ROCK2: variants seen among roughly 807,000 people sequenced by gnomAD.
ROCK2 encodes the protein Rho associated coiled-coil containing protein kinase 2.
A neutral mutation model predicts 195.1 loss-of-function variants in ROCK2; 61 were observed. The observed-to-expected ratio is 0.31, with a 90% confidence interval of 0.25 to 0.39. The LOEUF (loss-of-function observed/expected upper bound fraction) is 0.39. ROCK2 is among the 10% of genes least tolerant of loss of function. The pLI is 1.00. For synonymous variants in ROCK2, 504 were observed against 545.5 expected, an observed-to-expected ratio of 0.92 and a Z score of 1.06; for missense variants, 1,109 against 1,637.4, an observed-to-expected ratio of 0.68 and a Z score of 5.57.
At chr2:11,290,635 C>A (rs527632314) in intron 1 of ROCK2, among the ~76,000 whole-genome samples, 1 of 151,740 alleles carries the variant, frequency 6.6e-6, no homozygotes, top group Admixed American at 6.6e-5. Context: ...CAATAACTGA[C>A]CAGAAAGAAA....
intron 4 of ROCK2, among the ~76,000 whole-genome samples, chr2:11,237,589 A>T (rs1247781054): frequency 6.6e-6 from 1 of 152,198 alleles, no homozygotes; most frequent in African/African-American, 2.4e-5. Flanking sequence ...AAAAACATAA[A>T]ATCATATTGG....
chr2:11,270,316 G>C (rs1666582125), intron 3 of ROCK2, among the ~76,000 whole-genome samples: 1 of 152,100 alleles, frequency 6.6e-6, no homozygotes, highest in South Asian at 2.1e-4. Context: ...TCTATAGTTT[G>C]AAAATGATAT....
chr2:11,317,565 G>C (rs1251627287), intron 1 of ROCK2, among the ~76,000 whole-genome samples: 6 of 80,978 alleles, frequency 7.4e-5, no homozygotes, highest in Non-Finnish European at 1.1e-4. Context: ...AAGCCGCCCT[G>C]ATCTACACAT....
At position 11,201,297 on chromosome 2, in the gene ROCK2, G is replaced by T; in HGVS notation, c.2723+13C>A. 6.3e-7 allele frequency: 1 copy of T among 1,575,490 alleles called. No individual in the cohort carries two copies. The highest frequency in any genetic ancestry group is 1.3e-5 in the African/African-American group (1 of 74,298). On this transcript the variant is annotated intron_variant, in intron 22 of 32. Coordinates refer to ENST00000315872, the MANE Select transcript of ROCK2 (RefSeq NM_004850.5). This position sits in a 1 kb window ranked among gnomAD's most constrained non-coding sequence, Gnocchi z 4.6. ...CAGCTATGAACAAAAAGAGACAAGG[G>T]TCTCATACTTACCGTTCATCCTGTA...
chr2:11,274,688 C>CA (rs1558349574), intron 3 of ROCK2, among the ~76,000 whole-genome samples: 1 of 152,126 alleles, frequency 6.6e-6, no homozygotes, highest in Non-Finnish European at 1.5e-5. Flanking sequence ...CCAAATATTT[C>CA]AATAACATCA....
At position 11,236,465 on chromosome 2, in the gene ROCK2, C is replaced by G. The variant is rs563692390; in HGVS notation, c.463-503G>C. On this transcript the variant is annotated intron_variant, in intron 4 of 32. Coordinates refer to ENST00000315872, the MANE Select transcript of ROCK2 (RefSeq NM_004850.5). ...AATGGAAAGAATGAGTCACTGGTAG[C>G]CATATTTGGAAGACGCGTAACTCTT... Among the ~76,000 whole-genome samples, 4 of 152,108 alleles carry G rather than the reference C, an allele frequency of 2.6e-5. No homozygotes were observed. The East Asian group carries it at 5.8e-4, about 22-fold the overall frequency.
intron 11 of ROCK2, chr2:11,217,394 T>C (rs781359523): frequency 1.3e-5 from 8 of 607,104 alleles, no homozygotes; most frequent in South Asian, 4.6e-5. Context: ...AACATACTTA[T>C]GTAACCATGC....
intron 1 of ROCK2, among the ~76,000 whole-genome samples, chr2:11,303,627 T>C (rs2148219966): frequency 6.6e-6 from 1 of 152,292 alleles, no homozygotes; most frequent in South Asian, 2.1e-4. Context: ...AAAAAATCCC[T>C]TGACCCTACC....
rs72785469 is a variant in ROCK2, at chr2:11,183,415, T to C, written c.*22A>G. 71,897 of 1,589,324 alleles carry C rather than the reference T, an allele frequency of 0.045. 2,401 individuals carry two copies. The highest frequency in any genetic ancestry group is 0.049 in the Non-Finnish European group (57,608 of 1,164,212). On this transcript the variant is annotated 3_prime_UTR_variant, in exon 33 of 33. Transcript: ENST00000315872. ...GGAAGAATACGATCACCTTGAATAATGACTGCTTTCATAGAAGGCAGTTAG... is the reference window on the plus strand; with the variant it reads ...GGAAGAATACGATCACCTTGAATAACGACTGCTTTCATAGAAGGCAGTTAG...
At chr2:11,275,211 C>A (rs114650983) in intron 3 of ROCK2, among the ~76,000 whole-genome samples, 6,370 of 150,830 alleles carry the variant, frequency 0.042, 276 homozygotes, top group Non-Finnish European at 0.06. Flanking sequence ...GAGCCGTAAT[C>A]GTGCCATTGC....
intron 32 of ROCK2, chr2:11,184,664 A>G (rs1663125062): frequency 1.0e-6 from 1 of 984,876 alleles, no homozygotes. Flanking sequence ...TTTTTGATTT[A>G]CCCCATTTAT....
At chr2:11,262,634 ATG>A (rs1666271169) in intron 3 of ROCK2, among the ~76,000 whole-genome samples, 1 of 152,160 alleles carries the variant, frequency 6.6e-6, no homozygotes, top group Admixed American at 6.5e-5. Context: ...GCTGCCATCC[ATG>A]TAAGATGTGA....
intron 9 of ROCK2, among the ~76,000 whole-genome samples, chr2:11,219,928 C>A (rs1024322047): frequency 6.6e-6 from 1 of 150,902 alleles, no homozygotes; most frequent in Non-Finnish European, 1.5e-5. Flanking sequence ...CTCATTCCAA[C>A]CTTGAACTCC....
chr2:11,302,137 T>G lies in ROCK2; in HGVS notation c.142-14401A>C, dbSNP rs1667726414. ...TATGGTTTAAAAGAAATAACAAAAT[T>G]TCTCCATTATGGTTTCAGATTCACA... On this transcript the variant is annotated intron_variant, in intron 1 of 32. Transcript: ENST00000315872. Among the ~76,000 whole-genome samples the G allele has an allele frequency of 2.0e-5, 3 of 152,058 alleles. No individual in the cohort carries two copies. The South Asian group carries it at 6.2e-4, about 32-fold the overall frequency.
At chr2:11,214,279 CCCTTAGTTTAG>C in intron 17 of ROCK2, 67 bp downstream of exon 17, 1 of 757,336 alleles carries the variant, frequency 1.3e-6, no homozygotes, top group Non-Finnish European at 2.2e-6. Flanking sequence ...TTAGTGACTT[CCCTTAGTTTAG>C]AATAACTTTT....
chr2:11,331,804 T>TA (rs1266750695), intron 1 of ROCK2, among the ~76,000 whole-genome samples: 1 of 152,124 alleles, frequency 6.6e-6, no homozygotes, highest in Non-Finnish European at 1.5e-5. Flanking sequence ...CAGGCGCCTG[T>TA]AATTCCAGCT....
At chr2:11,203,597 A>G (rs998659292) in intron 20 of ROCK2, among the ~76,000 whole-genome samples, 1 of 152,208 alleles carries the variant, frequency 6.6e-6, no homozygotes, top group Non-Finnish European at 1.5e-5. Flanking sequence ...TAGTCTCTTC[A>G]GTTCGTATAC....
chr2:11,201,943 C>T lies in ROCK2; in HGVS notation c.2619+109G>A. ...TGATAATAAATTTCTCTTAAACTAT[C>T]TACATTCTTTTGCCCAGCTGCTCTT... is the stretch of plus-strand genomic sequence containing the variant. On this transcript the variant is annotated intron_variant, in intron 21 of 32. Transcript: ENST00000315872. This position sits in a 1 kb window ranked among gnomAD's most constrained non-coding sequence, Gnocchi z 4.6. 1 of 794,942 alleles carries T rather than the reference C, an allele frequency of 1.3e-6. No individual in the cohort carries two copies. Among genetic ancestry groups the T allele is most frequent in the Middle Eastern group, 2.4e-4 (1 of 4,194 alleles). The allele number at this position is 794,942 out of a possible 1,614,324, so 49.2% of individuals were successfully genotyped here. A position where few individuals can be genotyped will look rare whatever the true frequency, so the allele number is the denominator to read the frequency against.
Position 11,201,017 on chromosome 2 carries a change from G to C in ROCK2, c.2850C>G (p.Ile950Met). The change falls in exon 23 of 33, where the codon ATC (isoleucine) becomes ATG (methionine). Residue 950 changes from isoleucine to methionine, a missense_variant. Around this residue, in one of 6 missense-constraint regions of ROCK2, gnomAD observed 542 missense variants for 672.0 expected, o/e 0.81. Coordinates refer to ENST00000315872, the MANE Select transcript of ROCK2 (RefSeq NM_004850.5). This position sits in a 1 kb window ranked among gnomAD's most constrained non-coding sequence, Gnocchi z 4.6. ...GTTTGTGTCTAGCCATCATCTCTTT[G>C]ATCTCCAGCTCTTTCATGATCTTCT... ...EKEKIMKELE[I>M]KEMMARHKQE... 1.9e-6 allele frequency: 3 copies of C among 1,612,710 alleles called. No individual in the cohort carries two copies. The South Asian group carries it at 3.3e-5, about 18-fold the overall frequency.
Sources: gnomAD v4.1 joint callset for allele counts (sites outside exome capture counted in the v4.1 genomes callset) on GRCh38, gnomAD v4.1.1 for gene constraint, gnomAD v4.1.1 regional missense constraint, Gnocchi (gnomAD v3.1) non-coding constraint, MANE v1.5 for transcripts, NCBI Gene and HGNC (gene_info 2026-07-23, HGNC 2026-07-21) for gene names.